The following MAN2B1 variants were observed in gnomAD, a reference collection of about 807,000 sequenced individuals.
MAN2B1 encodes mannosidase alpha class 2B member 1, also known as lysosomal alpha-mannosidase.
MAN2B1 carries 99 observed loss-of-function variants against 127.5 expected under a neutral mutation model. That is an observed-to-expected ratio of 0.78 (90% CI 0.66 to 0.92). The LOEUF (loss-of-function observed/expected upper bound fraction) is 0.92, where lower values mean the gene tolerates loss of function less well. MAN2B1 is among the 40% of genes least tolerant of loss of function. The probability of loss-of-function intolerance (pLI) is 0.00; values close to 1 mark genes in which losing one functional copy is unlikely to be tolerated. For synonymous variants in MAN2B1, 573 were observed against 568.8 expected, an observed-to-expected ratio of 1.01 and a Z score of -0.11; for missense variants, 1,304 against 1,384.8, an observed-to-expected ratio of 0.94 and a Z score of 0.93.
In MAN2B1 at chr19:12,646,513, G is replaced by C; in HGVS notation, c.*107C>G. 1 of 856,442 alleles carries C rather than the reference G, an allele frequency of 1.2e-6. No individual in the cohort carries two copies. Among genetic ancestry groups the C allele is most frequent in the South Asian group, 1.4e-5 (1 of 72,622 alleles). 53.1% of individuals were successfully genotyped at this position (856,442 alleles called of 1,614,324 possible). A position where few individuals can be genotyped will look rare whatever the true frequency, so the allele number is the denominator to read the frequency against. ...CCCACACTCAGTCACAGAGCGACCT[G>C]AGTCTTAGTAGTAGCGTTTTAATGG... is the stretch of plus-strand genomic sequence containing the variant. On this transcript the variant is annotated 3_prime_UTR_variant, in exon 24 of 24. Transcript: ENST00000456935.
At chr19:12,655,641 G>T in intron 14 of MAN2B1, 53 bp downstream of exon 14, 1 of 1,570,754 alleles carries the variant, frequency 6.4e-7, no homozygotes, top group Non-Finnish European at 8.7e-7. Flanking sequence ...AGCTCACCAT[G>T]ACACTTCAAA....
Position 12,665,208 on chromosome 19 carries a change from G to C in MAN2B1, c.436+144C>G, listed in dbSNP as rs191603967. ...GTGGGGCTTTGTGGGATGTATAGGA[G>C]GTCTCCAAATGGAGAGTCCAGGCAG... On this transcript the variant is annotated intron_variant, in intron 3 of 23. Coordinates refer to ENST00000456935, the MANE Select transcript of MAN2B1 (RefSeq NM_000528.4). The C allele has an allele frequency of 1.4e-3, 1,606 of 1,129,414 alleles. 25 individuals carry two copies. The African/African-American group carries it at 0.021, about 15-fold the overall frequency. 70.0% of individuals were successfully genotyped at this position (1,129,414 alleles called of 1,614,324 possible). A position where few individuals can be genotyped will look rare whatever the true frequency, so the allele number is the denominator to read the frequency against.
rs77179562 is a variant in MAN2B1 at position 12,657,611 on chromosome 19, G to A, written c.1310-56C>T. 5,968 of 1,458,972 alleles carry A rather than the reference G, an allele frequency of 4.1e-3. 201 individuals carry two copies. In the African/African-American group the frequency reaches 0.073, roughly 18 times the overall value. The allele number at this position is 1,458,972 out of a possible 1,614,324, so 90.4% of individuals were successfully genotyped here. Reference sequence around the variant, plus strand: ...CTGTGGGACTCAGCTGAGACCCCAAGGGGAAGCGAAAGGTCCGGTGCTGGC... The same window carrying A: ...CTGTGGGACTCAGCTGAGACCCCAAAGGGAAGCGAAAGGTCCGGTGCTGGC... On this transcript the variant is annotated intron_variant, in intron 10 of 23. Coordinates refer to ENST00000456935, the MANE Select transcript of MAN2B1 (RefSeq NM_000528.4).
At position 12,655,750 on chromosome 19, in the gene MAN2B1, C is replaced by T. The variant is rs766021102; in HGVS notation, c.1774G>A (p.Ala592Thr). ...QVPRWKPQAR[A>T]PQPIPRRSWS... ...GATCTTCTGGGGATGGGCTGTGGTG[C>T]GCGGGCCTGGGGCTTCCAGCGAGGC... is the stretch of plus-strand genomic sequence containing the variant. The change falls in exon 14 of 24, where the codon GCA (alanine) becomes ACA (threonine). Residue 592 changes from alanine (A) to threonine (T), a missense_variant. Ala to Thr is a moderately conservative substitution (Grantham distance 58). Coordinates refer to ENST00000456935, the MANE Select transcript of MAN2B1 (RefSeq NM_000528.4). The T allele has an allele frequency of 5.6e-6, 9 of 1,608,584 alleles. No homozygotes were observed. The highest frequency in any genetic ancestry group is 5.0e-5 in the Admixed American group (3 of 59,700).
At chr19:12,656,823 T>C (rs373941224) in intron 12 of MAN2B1, 126 bp downstream of exon 12, 3 of 1,036,152 alleles carry the variant, frequency 2.9e-6, no homozygotes, top group Admixed American at 1.7e-5. Context: ...AGATGCGTTG[T>C]TCTCTCTGCT....
Position 12,647,707 on chromosome 19 carries a change from G to A in MAN2B1, c.2665-109C>T, listed in dbSNP as rs1393369133. On this transcript the variant is annotated intron_variant, in intron 21 of 23. Transcript: ENST00000456935. The surrounding 1 kb of genome is among the most constrained non-coding windows in gnomAD (Gnocchi z 4.9). Reference sequence around the variant, plus strand: ...GGCTAGGTTGTAGGGGCGGGGTTTCGCCGGAGAGGGGCAAGGCTCAGCCGA... The same window carrying A: ...GGCTAGGTTGTAGGGGCGGGGTTTCACCGGAGAGGGGCAAGGCTCAGCCGA... 1.3e-5 allele frequency: 11 copies of A among 879,964 alleles called. No individual in the cohort carries two copies. The highest frequency in any genetic ancestry group is 5.0e-5 in the African/African-American group (3 of 59,642). The allele number at this position is 879,964 out of a possible 1,614,324, so 54.5% of individuals were successfully genotyped here. A position where few individuals can be genotyped will look rare whatever the true frequency, so the allele number is the denominator to read the frequency against.
At position 12,658,047 on chromosome 19, in the gene MAN2B1, T is replaced by C. The variant is rs377260918; in HGVS notation, c.1309+16A>G. ...TTCAGCCGCAAACCTCTTCCCCTCTTGGGCCCGACACTTACTGAGGGGTGC... is the reference window on the plus strand; with the variant it reads ...TTCAGCCGCAAACCTCTTCCCCTCTCGGGCCCGACACTTACTGAGGGGTGC... On this transcript the variant is annotated intron_variant, in intron 10 of 23. Coordinates refer to ENST00000456935, the MANE Select transcript of MAN2B1 (RefSeq NM_000528.4). The C allele has an allele frequency of 4.3e-6, 7 of 1,610,386 alleles. No individual in the cohort carries two copies. Among genetic ancestry groups the C allele is most frequent in the Non-Finnish European group, 5.9e-6 (7 of 1,178,660 alleles).
intron 4 of MAN2B1, among the ~76,000 whole-genome samples, chr19:12,664,184 C>T (rs1281038477): frequency 6.6e-6 from 1 of 152,158 alleles, no homozygotes; most frequent in African/African-American, 2.4e-5. Context: ...TAGGATTGCA[C>T]CACTGCACTC....
chr19:12,663,236 G>A (rs1010584795), intron 6 of MAN2B1, 81 bp downstream of exon 6: 66 of 1,523,502 alleles, frequency 4.3e-5, no homozygotes, highest in Non-Finnish European at 5.7e-5. Flanking sequence ...TAAGGAGAAC[G>A]TGTTAGGGGA....
chr19:12,657,379 T>C (rs1218465438), intron 11 of MAN2B1, 67 bp downstream of exon 11: 7 of 1,393,150 alleles, frequency 5.0e-6, no homozygotes, highest in Non-Finnish European at 6.9e-6. Flanking sequence ...TCTGTCCCCT[T>C]TCCCAGGCCC....
chr19:12,646,864 C>A, intron 23 of MAN2B1, 132 bp from the exon 24 acceptor site: 1 of 685,108 alleles, frequency 1.5e-6, no homozygotes, highest in Non-Finnish European at 2.6e-6. Context: ...CAATCCCAGA[C>A]TCTTAACCTG....
At chr19:12,658,366 G>T (rs1331956324) in intron 8 of MAN2B1, 22 bp from the exon 9 acceptor site, 45 of 1,614,104 alleles carry the variant, frequency 2.8e-5, no homozygotes, top group Non-Finnish European at 3.7e-5. Flanking sequence ...GGGGCATTGA[G>T]GGCAGGGTCA....
chr19:12,652,493 G>A (rs2023862695), intron 14 of MAN2B1, 33 bp from the exon 15 acceptor site: 1 of 1,374,690 alleles, frequency 7.3e-7, no homozygotes, highest in Non-Finnish European at 1.0e-6. Context: ...ATGGGTTTGT[G>A]TGTGTATGTG....
intron 12 of MAN2B1, 47 bp downstream of exon 12, chr19:12,656,902 C>T: frequency 6.9e-7 from 1 of 1,459,596 alleles, no homozygotes; most frequent in Non-Finnish European, 9.6e-7. Flanking sequence ...CAACTACCCC[C>T]TCTAAAGCCC....
At chr19:12,663,613 C>A (rs2024159560) in intron 5 of MAN2B1, 90 bp downstream of exon 5, 1 of 1,543,652 alleles carries the variant, frequency 6.5e-7, no homozygotes, top group Non-Finnish European at 8.8e-7. Context: ...ATAGGAATTC[C>A]AGGACAGTGA....
Position 12,649,238 on chromosome 19 carries a change from T to G in MAN2B1, c.2356-22A>C, listed in dbSNP as rs770219896. On this transcript the variant is annotated intron_variant, in intron 19 of 23. Coordinates refer to ENST00000456935, the MANE Select transcript of MAN2B1 (RefSeq NM_000528.4). ...CATCCTGGGAGTTGAAGGGTGAAAG[T>G]AGAGGGCAGTCAACCCCAACCCCAG... 12 of 1,611,878 alleles carry G rather than the reference T, an allele frequency of 7.4e-6. 1 individual carries two copies. The South Asian group carries it at 1.3e-4, about 18-fold the overall frequency.
intron 12 of MAN2B1, 100 bp downstream of exon 12, chr19:12,656,849 C>T (rs1304189861): frequency 3.6e-6 from 4 of 1,124,570 alleles, no homozygotes; most frequent in South Asian, 2.5e-5. Context: ...AGCTTCGCAG[C>T]CCACGTAATT....
At chr19:12,666,517 C>T in intron 1 of MAN2B1, 26 bp downstream of exon 1, 1 of 1,566,992 alleles carries the variant, frequency 6.4e-7, no homozygotes, top group Non-Finnish European at 8.7e-7. Context: ...GCCTCCTGTA[C>T]GTTTCAGCTC....
rs758333025 is a variant in MAN2B1, at chr19:12,648,365, A to G, written c.2474T>C (p.Val825Ala). ...CCCGTTCTCCATTAGTGGCTCCGAT[A>G]CTCCGCGTCCATCGTCCTTCAGCAG... ...RRLLKDDGRGVSEPLMENGSG... is the reference protein window; with the variant it reads ...RRLLKDDGRGASEPLMENGSG... The change falls in exon 21 of 24, where the codon GTA becomes GCA. Residue 825 changes from valine (V) to alanine (A), a missense_variant. By Grantham distance (64) the Val-to-Ala change is moderately conservative (BLOSUM62 0). Transcript: ENST00000456935. The G allele has an allele frequency of 3.1e-6, 5 of 1,612,920 alleles. No homozygotes were observed. The highest frequency in any genetic ancestry group is 4.2e-6 in the Non-Finnish European group (5 of 1,179,496).
Sources: allele counts gnomAD v4.1 joint callset (sites outside exome capture counted in the v4.1 genomes callset), GRCh38; gene constraint gnomAD v4.1.1; non-coding constraint Gnocchi (gnomAD v3.1); transcripts MANE v1.5; gene names NCBI Gene and HGNC (gene_info 2026-07-23, HGNC 2026-07-21).